Variants in KCNQ1 observed in about 807,000 individuals in gnomAD.
KCNQ1 encodes the protein potassium voltage-gated channel subfamily KQT member 1.
A neutral mutation model predicts 72.4 loss-of-function variants in KCNQ1; 49 were observed. The observed-to-expected ratio is 0.68, with a 90% CI of 0.54 to 0.86. The LOEUF (loss-of-function observed/expected upper bound fraction) is 0.86. Ranked by LOEUF, KCNQ1 falls within the 40% of genes least tolerant of loss-of-function variation. The pLI, the probability that KCNQ1 is intolerant of heterozygous loss-of-function variation, is 0.00. For synonymous variants in KCNQ1, 450 were observed against 412.6 expected (o/e 1.09, Z -1.10); for missense variants, 790 against 945.1 (o/e 0.84, Z 2.15).
rs555442026 is a variant in KCNQ1, at chr11:2,752,812, A to G, written c.1515-16032A>G. Among the ~76,000 whole-genome samples the G allele has an allele frequency of 6.6e-6, 1 of 152,284 alleles. No homozygotes were observed. The highest frequency in any genetic ancestry group is 2.1e-4 in the South Asian group (1 of 4,826). ...ACTACAGCACCTTGCTCCTGGGGAAACAGAGGAAACTGGTTCCTTTCTTTC... is the reference window on the plus strand; with the variant it reads ...ACTACAGCACCTTGCTCCTGGGGAAGCAGAGGAAACTGGTTCCTTTCTTTC... On this transcript the variant is annotated intron_variant, in intron 11 of 15. Coordinates refer to ENST00000155840, the MANE Select transcript of KCNQ1 (RefSeq NM_000218.3). This position sits in a 1 kb window ranked among gnomAD's most constrained non-coding sequence, Gnocchi z 5.2.
At chr11:2,619,841 G>C in intron 10 of KCNQ1, 1 of 398,332 alleles carries the variant, frequency 2.5e-6, no homozygotes, top group South Asian at 1.3e-4. Context: ...TTCTTTGTTT[G>C]AGGTTTTGGG....
chr11:2,757,577 A>G (rs1422471024), intron 11 of KCNQ1, among the ~76,000 whole-genome samples: 2 of 152,222 alleles, frequency 1.3e-5, no homozygotes, highest in African/African-American at 4.8e-5. Flanking sequence ...AACTTGTTCT[A>G]AAATCTATAT....
intron 11 of KCNQ1, among the ~76,000 whole-genome samples, chr11:2,741,090 C>T (rs1846042011): frequency 6.6e-6 from 1 of 152,220 alleles, no homozygotes; most frequent in Non-Finnish European, 1.5e-5. Context: ...CTCCCTGCAG[C>T]CCCTGCTTGG....
rs1849017783 is a variant in KCNQ1 at position 2,613,783 on chromosome 11, A to G, written c.1393+24929A>G. 2.5e-6 allele frequency: 1 copy of G among 398,520 alleles called. No homozygotes were observed. Among genetic ancestry groups the G allele is most frequent in the Non-Finnish European group, 4.4e-6 (1 of 226,034 alleles). 24.7% of individuals were successfully genotyped at this position (398,520 alleles called of 1,614,324 possible). A position where few individuals can be genotyped will look rare whatever the true frequency, so the allele number is the denominator to read the frequency against. On this transcript the variant is annotated intron_variant, in intron 10 of 15. Transcript: ENST00000155840. This position sits in a 1 kb window ranked among gnomAD's most constrained non-coding sequence, Gnocchi z 4.8. ...ACTGAGAGAAATCTTCCTCTCACCCATATCTCTTCCATCCTAATTCCCCCT... is the reference window on the plus strand; with the variant it reads ...ACTGAGAGAAATCTTCCTCTCACCCGTATCTCTTCCATCCTAATTCCCCCT...
chr11:2,663,516 T>C lies in KCNQ1; in HGVS notation c.1514+1435T>C. On this transcript the variant is annotated intron_variant, in intron 11 of 15. Transcript: ENST00000155840. This position sits in a 1 kb window ranked among gnomAD's most constrained non-coding sequence, Gnocchi z 5.2. ...CAGGTGGCAGTGCCTGTATTGCCTC[T>C]TGGCTGTCCCCTCAGAGAGGGGACT... 3 of 398,688 alleles carry C rather than the reference T, an allele frequency of 7.5e-6. No individual in the cohort carries two copies. The highest frequency in any genetic ancestry group is 1.3e-5 in the Non-Finnish European group (3 of 226,100). The allele number at this position is 398,688 out of a possible 1,614,324, so 24.7% of individuals were successfully genotyped here.
At chr11:2,561,909 T>C (rs545986911) in intron 2 of KCNQ1, among the ~76,000 whole-genome samples, 2 of 151,362 alleles carry the variant, frequency 1.3e-5, no homozygotes, top group South Asian at 4.2e-4. Flanking sequence ...CCACTCAAGG[T>C]CACGGGCTGC....
At chr11:2,467,329 C>T (rs1846366425) in intron 1 of KCNQ1, among the ~76,000 whole-genome samples, 1 of 152,128 alleles carries the variant, frequency 6.6e-6, no homozygotes, top group African/African-American at 2.4e-5. Context: ...GCAGGACTGG[C>T]TTCAACGGTG....
rs1240722197 is a variant in KCNQ1, at chr11:2,716,726, C to T, written c.1515-52118C>T. On this transcript the variant is annotated intron_variant, in intron 11 of 15. Coordinates refer to ENST00000155840, the MANE Select transcript of KCNQ1 (RefSeq NM_000218.3). ...AGGCAGCCGTGAAAGGCACGGGCAG[C>T]GCGGTGCTTCTCCTTCAGGAGGTGG... Among the ~76,000 whole-genome samples the T allele has an allele frequency of 5.9e-5, 9 of 152,236 alleles. No individual in the cohort carries two copies. The South Asian group carries it at 6.2e-4, about 10-fold the overall frequency.
intron 8 of KCNQ1, 25 bp from the exon 9 acceptor site, chr11:2,587,545 A>G (rs760533802): frequency 6.2e-7 from 1 of 1,613,298 alleles, no homozygotes; most frequent in Admixed American, 1.7e-5. Flanking sequence ...AGCAGGTGAC[A>G]GCCTGTCCCC....
chr11:2,489,992 C>A (rs1846808167), intron 1 of KCNQ1, among the ~76,000 whole-genome samples: 1 of 152,270 alleles, frequency 6.6e-6, no homozygotes, highest in Middle Eastern at 3.4e-3. Flanking sequence ...CAGGCCTTGG[C>A]TCTTGGACAG....
chr11:2,629,928 A>G, intron 10 of KCNQ1: 1 of 398,346 alleles, frequency 2.5e-6, no homozygotes, highest in Non-Finnish European at 4.4e-6. Context: ...TTTCTTGCCC[A>G]ATTCCTCTGG....
rs1434921729 is a variant in KCNQ1 at position 2,620,842 on chromosome 11, C to T, written c.1393+31988C>T. ...AGCGTTCCCTTTTCTCTGCAGCCTT[C>T]CCAGCAACTTTTATTTTTTTGACTT... On this transcript the variant is annotated intron_variant, in intron 10 of 15. Transcript: ENST00000155840. The surrounding 1 kb of genome is among the most constrained non-coding windows in gnomAD (Gnocchi z 4.5). 13 of 398,426 alleles carry T rather than the reference C, an allele frequency of 3.3e-5. No individual in the cohort carries two copies. Among genetic ancestry groups the T allele is most frequent in the Middle Eastern group, 6.2e-4 (1 of 1,610 alleles). 24.7% of individuals were successfully genotyped at this position (398,426 alleles called of 1,614,324 possible). A position where few individuals can be genotyped will look rare whatever the true frequency, so the allele number is the denominator to read the frequency against.
At chr11:2,662,734 G>A (rs1319100436) in intron 11 of KCNQ1, 4 of 400,160 alleles carry the variant, frequency 1.0e-5, no homozygotes, top group Non-Finnish European at 1.8e-5. Context: ...GTCCATTCTG[G>A]CCACAGTCCC....
intron 11 of KCNQ1, among the ~76,000 whole-genome samples, chr11:2,760,654 C>A (rs1846378376): frequency 6.6e-6 from 1 of 152,204 alleles, no homozygotes; most frequent in African/African-American, 2.4e-5. Flanking sequence ...TCAGTGCCTT[C>A]CTGCAACCAG....
intron 10 of KCNQ1, chr11:2,614,127 A>G (rs950682415): frequency 3.8e-5 from 15 of 398,296 alleles, no homozygotes; most frequent in Non-Finnish European, 5.3e-5. Context: ...TGGCTTTCCT[A>G]CCATGTCTCT....
chr11:2,496,844 G>T (rs1392948908), intron 1 of KCNQ1, among the ~76,000 whole-genome samples: 1 of 133,198 alleles, frequency 7.5e-6, no homozygotes, highest in Non-Finnish European at 1.6e-5. Flanking sequence ...TCCATGTTTA[G>T]TGCTTCCTTC....
At chr11:2,675,455 T>C in intron 11 of KCNQ1, 2 of 398,588 alleles carry the variant, frequency 5.0e-6, no homozygotes, top group Non-Finnish European at 8.8e-6. Flanking sequence ...GATCTGAAAA[T>C]GGAAAAAAGT....
chr11:2,772,964 T>C lies in KCNQ1; in HGVS notation c.1591-2996T>C, dbSNP rs1049996326. On this transcript the variant is annotated intron_variant, in intron 12 of 15. Transcript: ENST00000155840. The surrounding 1 kb of genome is among the most constrained non-coding windows in gnomAD (Gnocchi z 6.6). ...CCACCATGACTCATGCCATGTTCAA[T>C]GTGTTCTGAAGAGAGGCTTCGGCCA... Among the ~76,000 whole-genome samples the C allele has an allele frequency of 1.3e-5, 2 of 152,182 alleles. No individual in the cohort carries two copies. The highest frequency in any genetic ancestry group is 4.8e-5 in the African/African-American group (2 of 41,436).
At chr11:2,667,448 C>A in intron 11 of KCNQ1, 1 of 398,728 alleles carries the variant, frequency 2.5e-6, no homozygotes, top group South Asian at 1.3e-4. Flanking sequence ...TGCTCAGGTC[C>A]TCAGCCAAGC....
Sources: gnomAD v4.1 joint callset for allele counts (sites outside exome capture counted in the v4.1 genomes callset) on GRCh38, gnomAD v4.1.1 for gene constraint, Gnocchi (gnomAD v3.1) non-coding constraint, MANE v1.5 for transcripts, NCBI Gene and HGNC (gene_info 2026-07-23, HGNC 2026-07-21) for gene names.